Variants in STARD9 observed in about 807,000 individuals in gnomAD.
STARD9 encodes stAR-related lipid transfer protein 9.
In STARD9, 346 loss-of-function variants were observed where a neutral mutation model predicts 399.8. The ratio of observed to expected loss-of-function variants is 0.87; its 90% CI spans 0.79 to 0.95. The LOEUF (loss-of-function observed/expected upper bound fraction) is 0.95. STARD9 is among the 40% of genes least tolerant of loss of function. STARD9 has a pLI of 0.00. For missense variants in STARD9, 5,832 were observed against 5,667.5 expected (o/e 1.03, Z -0.93); for synonymous variants, 2,203 against 2,143.5 (o/e 1.03, Z -0.77).
At chr15:42,694,815 G>A (rs2060805019) in intron 24 of STARD9, 90 bp downstream of exon 24, 1 of 1,079,520 alleles carries the variant, frequency 9.3e-7, no homozygotes, top group Non-Finnish European at 1.3e-6. Context: ...CATCCTGGAG[G>A]GTTCTCTATA....
intron 2 of STARD9, 105 bp from the exon 3 acceptor site, chr15:42,585,416 T>C: frequency 1.6e-6 from 1 of 643,552 alleles, no homozygotes. Context: ...AACAGTCTCA[T>C]GACCAGTCCA....
chr15:42,590,516 TAAG>T (rs1292726558), intron 3 of STARD9, among the ~76,000 whole-genome samples: 2 of 152,176 alleles, frequency 1.3e-5, no homozygotes, highest in Non-Finnish European at 2.9e-5. Flanking sequence ...AGCAGCATCT[TAAG>T]AAGCCATTCA....
At chr15:42,647,916 A>G (rs894976722) in intron 7 of STARD9, among the ~76,000 whole-genome samples, 2 of 152,160 alleles carry the variant, frequency 1.3e-5, no homozygotes, top group African/African-American at 4.8e-5. Context: ...TACTCCAGAG[A>G]TTACAACATA....
At chr15:42,593,882 A>G (rs1254815771) in intron 3 of STARD9, among the ~76,000 whole-genome samples, 1 of 151,732 alleles carries the variant, frequency 6.6e-6, no homozygotes, top group African/African-American at 2.4e-5. Context: ...GTTAGCCAGA[A>G]TGGTCTTGAT....
intron 1 of STARD9, among the ~76,000 whole-genome samples, chr15:42,576,163 G>A (rs1318376316): frequency 6.6e-6 from 1 of 152,196 alleles, no homozygotes. Context: ...TGTGTTTCTG[G>A]GTGCGCGTGG....
At chr15:42,593,954 C>T (rs989010170) in intron 3 of STARD9, among the ~76,000 whole-genome samples, 1 of 151,914 alleles carries the variant, frequency 6.6e-6, no homozygotes, top group Non-Finnish European at 1.5e-5. Context: ...AGGCGTGAGC[C>T]ACCGCGTGGT....
Position 42,585,501 on chromosome 15 carries a change from G to T in STARD9, c.118-20G>T, listed in dbSNP as rs2058256691. The stretch of plus-strand genomic sequence containing the variant: ...TAATATTATGATAGAAAAGACACTG[G>T]ATCCTATGTTTGATTTTAGGTGGAC... On this transcript the variant is annotated intron_variant, in intron 2 of 32. Transcript: ENST00000290607. The T allele has an allele frequency of 6.7e-7, 1 of 1,491,572 alleles. No individual in the cohort carries two copies. The highest frequency in any genetic ancestry group is 9.0e-7 in the Non-Finnish European group (1 of 1,105,518). 92.4% of individuals were successfully genotyped at this position (1,491,572 alleles called of 1,614,324 possible).
chr15:42,681,565 A>G lies in STARD9; in HGVS notation c.2018A>G (p.Lys673Arg), dbSNP rs1252924715. 1.3e-6 allele frequency: 2 copies of G among 1,537,078 alleles called. No homozygotes were observed. The highest frequency in any genetic ancestry group is 2.7e-5 in the African/African-American group (2 of 73,038). ...CTAGCAGAAGAGATTCGAGCTGCGA[A>G]GGAACTGGAATTTGACCAAGCTTGG... ...QILAEEIRAA[K>R]ELEFDQAWIS... Residue 673 changes from lysine (K) to arginine (R), a missense_variant, in exon 21 of 33, where the codon AAG becomes AGG. Physicochemically the swap from Lys to Arg is conservative, Grantham distance 26. Coordinates refer to ENST00000290607, the MANE Select transcript of STARD9 (RefSeq NM_020759.3).
At chr15:42,717,474 AAGAT>A (rs2061371951) in intron 28 of STARD9, among the ~76,000 whole-genome samples, 2 of 151,900 alleles carry the variant, frequency 1.3e-5, no homozygotes, top group African/African-American at 4.8e-5. Flanking sequence ...AAAATAAAAA[AAGAT>A]AGCTGGGTGT....
chr15:42,633,083 G>A (rs1362429456), intron 3 of STARD9, among the ~76,000 whole-genome samples: 3 of 151,012 alleles, frequency 2.0e-5, no homozygotes, highest in Non-Finnish European at 2.9e-5. Flanking sequence ...TCAAGGCTGT[G>A]GTAAGCCAAG....
chr15:42,589,067 G>C (rs982377343), intron 3 of STARD9, among the ~76,000 whole-genome samples: 4 of 151,898 alleles, frequency 2.6e-5, no homozygotes, highest in African/African-American at 9.7e-5. Context: ...CACCTGCCTT[G>C]GCCTCCCAAA....
At position 42,685,268 on chromosome 15, in the gene STARD9, A is replaced by C. The variant is rs925693496; in HGVS notation, c.3690A>C (p.Ile1230=). Reference sequence around the variant, plus strand: ...CTTTCCCTGGTTCAGCTGACGAGATACCCACAGAGACTTTTTGGCACCTGG... The same window carrying C: ...CTTTCCCTGGTTCAGCTGACGAGATCCCCACAGAGACTTTTTGGCACCTGG... ...EEPFPGSADE[I]PTETFWHLED... Residue 1230 remains isoleucine (I), a synonymous_variant, in exon 23 of 33, where the codon ATA becomes ATC. Transcript: ENST00000290607. The C allele has an allele frequency of 2.0e-6, 3 of 1,537,416 alleles. No individual in the cohort carries two copies. The African/African-American group carries it at 4.1e-5, about 21-fold the overall frequency.
chr15:42,674,880 G>T lies in STARD9; in HGVS notation c.1603G>T (p.Gly535Cys). 1 of 1,537,048 alleles carries T rather than the reference G, an allele frequency of 6.5e-7. No homozygotes were observed. Among genetic ancestry groups the T allele is most frequent in the Non-Finnish European group, 8.7e-7 (1 of 1,146,794 alleles). ...CCACTGCACTATCACCAGTGCCTGTGGTGTAGTTGTTCTACGACCTGCCCG... is the reference window on the plus strand; with the variant it reads ...CCACTGCACTATCACCAGTGCCTGTTGTGTAGTTGTTCTACGACCTGCCCG... The part of the protein sequence containing the change: ...RDHCTITSAC[G>C]VVVLRPARGA... The change falls in exon 18 of 33, where the codon GGT becomes TGT. Residue 535 changes from glycine (G) to cysteine (C), a missense_variant. Transcript: ENST00000290607.
chr15:42,599,136 C>T (rs953316994), intron 3 of STARD9, among the ~76,000 whole-genome samples: 1 of 152,164 alleles, frequency 6.6e-6, no homozygotes, highest in African/African-American at 2.4e-5. Context: ...GTTGGCCAGG[C>T]TGGCCTCAAA....
chr15:42,697,722 G>C (rs892702040), intron 26 of STARD9, among the ~76,000 whole-genome samples: 1 of 152,070 alleles, frequency 6.6e-6, no homozygotes, highest in African/African-American at 2.4e-5. Context: ...TGTGTATAAG[G>C]TATATATCCA....
chr15:42,625,399 C>T (rs1030036754), intron 3 of STARD9, among the ~76,000 whole-genome samples: 4 of 148,590 alleles, frequency 2.7e-5, no homozygotes, highest in South Asian at 2.2e-4. Context: ...GGCGCGATCT[C>T]GGCTCACTGC....
At chr15:42,601,288 T>A (rs950284154) in intron 3 of STARD9, among the ~76,000 whole-genome samples, 17 of 152,150 alleles carry the variant, frequency 1.1e-4, no homozygotes, top group Non-Finnish European at 2.1e-4. Context: ...ACAGTAACAG[T>A]CTGATCTCTC....
chr15:42,711,060 C>G (rs756266220), intron 26 of STARD9, among the ~76,000 whole-genome samples: 1 of 151,780 alleles, frequency 6.6e-6, no homozygotes, highest in African/African-American at 2.4e-5. Flanking sequence ...TCATTCTTAC[C>G]TGCAACACCT....
intron 4 of STARD9, among the ~76,000 whole-genome samples, chr15:42,635,450 C>A (rs1374647640): frequency 6.6e-6 from 1 of 151,992 alleles, no homozygotes; most frequent in Non-Finnish European, 1.5e-5. Context: ...CTGCCTCAGC[C>A]TCCAGAGTAG....
Sources: allele counts gnomAD v4.1 joint callset (sites outside exome capture counted in the v4.1 genomes callset), GRCh38; gene constraint gnomAD v4.1.1; transcripts MANE v1.5; gene names NCBI Gene and HGNC (gene_info 2026-07-23, HGNC 2026-07-21).